The following NXPH1 variants were observed in gnomAD, a reference collection of about 807,000 sequenced individuals.
NXPH1 encodes the protein neurexophilin-1.
A neutral mutation model predicts 23.7 loss-of-function variants in NXPH1; 5 were observed. That is an observed-to-expected ratio of 0.21 (90% CI 0.11 to 0.44). The LOEUF (loss-of-function observed/expected upper bound fraction) is 0.44. NXPH1 is among the 20% of genes least tolerant of loss of function. The pLI, the probability that NXPH1 is intolerant of heterozygous loss-of-function variation, is 0.99. For missense variants in NXPH1, 324 were observed against 321.6 expected, an observed-to-expected ratio of 1.01 and a Z score of -0.06; for synonymous variants, 144 against 122.2, an observed-to-expected ratio of 1.18 and a Z score of -1.18.
intron 2 of NXPH1, among the ~76,000 whole-genome samples, chr7:8,624,337 C>A (rs1223901219): frequency 6.6e-6 from 1 of 151,970 alleles, no homozygotes; most frequent in Non-Finnish European, 1.5e-5. Context: ...CCAATTGAAC[C>A]TTGTTGGAGG....
chr7:8,515,957 C>T lies in NXPH1; in HGVS notation c.54+80190C>T, dbSNP rs368097450. 9.9e-5 allele frequency among the ~76,000 whole-genome samples: 15 copies of T among 152,248 alleles called. No homozygotes were observed. The East Asian group carries it at 1.7e-3, about 18-fold the overall frequency. ...TTACCACCTCATGTTCCCGCAGCCT[C>T]TCACACACTCATGCATACCTATCTG... On this transcript the variant is annotated intron_variant, in intron 2 of 2. Transcript: ENST00000405863.
At chr7:8,613,343 A>G (rs1819660029) in intron 2 of NXPH1, among the ~76,000 whole-genome samples, 1 of 152,020 alleles carries the variant, frequency 6.6e-6, no homozygotes, top group Non-Finnish European at 1.5e-5. Flanking sequence ...CATTTCAACA[A>G]AGAGAATCTC....
intron 2 of NXPH1, among the ~76,000 whole-genome samples, chr7:8,722,703 G>A (rs566243029): frequency 1.3e-5 from 2 of 152,296 alleles, no homozygotes; most frequent in Admixed American, 6.5e-5. Context: ...TGAAGAAGAC[G>A]TTAAATACCA....
chr7:8,626,609 T>C (rs1389305221), intron 2 of NXPH1, among the ~76,000 whole-genome samples: 2 of 152,084 alleles, frequency 1.3e-5, no homozygotes, highest in Non-Finnish European at 2.9e-5. Flanking sequence ...TGTGCTAATA[T>C]TACACTGAAG....
chr7:8,599,526 G>C (rs1271841936), intron 2 of NXPH1, among the ~76,000 whole-genome samples: 1 of 152,080 alleles, frequency 6.6e-6, no homozygotes. Context: ...ACCTATGTCT[G>C]CCATTTCATG....
At chr7:8,743,126 G>C (rs1279674955) in intron 2 of NXPH1, among the ~76,000 whole-genome samples, 1 of 151,924 alleles carries the variant, frequency 6.6e-6, no homozygotes, top group East Asian at 1.9e-4. Flanking sequence ...TAATCATAGA[G>C]CAATGTTTGT....
intron 2 of NXPH1, among the ~76,000 whole-genome samples, chr7:8,567,027 G>A (rs537405221): frequency 7.9e-5 from 12 of 151,936 alleles, no homozygotes; most frequent in East Asian, 3.9e-4. Flanking sequence ...TCTCTTGACC[G>A]TCTGCTTTAT....
At chr7:8,459,049 A>T (rs2128606535) in intron 2 of NXPH1, among the ~76,000 whole-genome samples, 1 of 152,088 alleles carries the variant, frequency 6.6e-6, no homozygotes, top group African/African-American at 2.4e-5. Flanking sequence ...CTTACCATAA[A>T]GTAGCTTTTT....
At chr7:8,741,523 A>C (rs1235800891) in intron 2 of NXPH1, among the ~76,000 whole-genome samples, 1 of 152,128 alleles carries the variant, frequency 6.6e-6, no homozygotes, top group Non-Finnish European at 1.5e-5. Context: ...TCCCATCCAC[A>C]GTGTACAGCT....
intron 2 of NXPH1, among the ~76,000 whole-genome samples, chr7:8,723,844 A>G (rs551206040): frequency 3.3e-5 from 5 of 152,308 alleles, no homozygotes; most frequent in East Asian, 1.9e-4. Context: ...CACAGGTTCT[A>G]AAGTTGGAAT....
At chr7:8,493,386 C>A (rs1268705094) in intron 2 of NXPH1, among the ~76,000 whole-genome samples, 2 of 151,962 alleles carry the variant, frequency 1.3e-5, no homozygotes, top group African/African-American at 4.8e-5. Context: ...AAAATGGCAG[C>A]AGGTAAGTAA....
At chr7:8,494,771 A>G (rs1268583748) in intron 2 of NXPH1, among the ~76,000 whole-genome samples, 1 of 152,050 alleles carries the variant, frequency 6.6e-6, no homozygotes, top group African/African-American at 2.4e-5. Context: ...AATTTCATGG[A>G]TGAATCTGCA....
At chr7:8,649,378 A>G (rs1820452428) in intron 2 of NXPH1, among the ~76,000 whole-genome samples, 1 of 152,048 alleles carries the variant, frequency 6.6e-6, no homozygotes, top group Admixed American at 6.6e-5. Context: ...GTTAGGATGT[A>G]CGTTCAAACT....
intron 2 of NXPH1, among the ~76,000 whole-genome samples, chr7:8,485,470 T>A (rs1817143883): frequency 6.6e-6 from 1 of 152,148 alleles, no homozygotes. Context: ...TGTTCGTGGA[T>A]ATCTCAGAAG....
intron 2 of NXPH1, among the ~76,000 whole-genome samples, chr7:8,506,861 G>C (rs1019333545): frequency 2.0e-5 from 3 of 152,144 alleles, no homozygotes; most frequent in South Asian, 4.1e-4. Flanking sequence ...TGAAGAGGGT[G>C]GTGCTGGGGG....
chr7:8,730,978 C>T (rs1268878779), intron 2 of NXPH1, among the ~76,000 whole-genome samples: 1 of 147,156 alleles, frequency 6.8e-6, no homozygotes, highest in Non-Finnish European at 1.5e-5. Flanking sequence ...TCAGGTACAC[C>T]AATCAGACGT....
chr7:8,530,602 T>G (rs993004583), intron 2 of NXPH1, among the ~76,000 whole-genome samples: 2 of 152,282 alleles, frequency 1.3e-5, no homozygotes. Flanking sequence ...ACGGTTGTTG[T>G]AGGGTTTCTG....
intron 2 of NXPH1, among the ~76,000 whole-genome samples, chr7:8,570,065 C>G (rs1018838846): frequency 6.6e-6 from 1 of 151,836 alleles, no homozygotes; most frequent in South Asian, 2.1e-4. Flanking sequence ...CCTCACTTAA[C>G]AAAGATCAAT....
chr7:8,486,857 A>G (rs1351356012), intron 2 of NXPH1, among the ~76,000 whole-genome samples: 2 of 152,178 alleles, frequency 1.3e-5, no homozygotes, highest in African/African-American at 4.8e-5. Flanking sequence ...CAGATTAAAT[A>G]TAACTTCCTT....
Sources: gnomAD v4.1 joint callset for allele counts (sites outside exome capture counted in the v4.1 genomes callset) on GRCh38, gnomAD v4.1.1 for gene constraint, MANE v1.5 for transcripts, NCBI Gene and HGNC (gene_info 2026-07-23, HGNC 2026-07-21) for gene names.